Variants in CACNA2D3 observed in about 807,000 individuals in gnomAD.
CACNA2D3 encodes the protein voltage-dependent calcium channel subunit alpha-2/delta-3.
CACNA2D3 carries 60 observed loss-of-function variants against 160.6 expected under a neutral mutation model. The ratio of observed to expected loss-of-function variants is 0.37; its 90% confidence interval spans 0.30 to 0.46. The LOEUF (loss-of-function observed/expected upper bound fraction) is 0.46, where lower values mean the gene tolerates loss of function less well. CACNA2D3 is among the 20% of genes least tolerant of loss of function. CACNA2D3 has a pLI of 1.00. For synonymous variants in CACNA2D3, 558 were observed against 492.9 expected, an observed-to-expected ratio of 1.13 and a Z score of -1.75; for missense variants, 1,205 against 1,365.0, an observed-to-expected ratio of 0.88 and a Z score of 1.85.
At chr3:54,483,121 A>G (rs190691433) in intron 4 of CACNA2D3, among the ~76,000 whole-genome samples, 6 of 152,348 alleles carry the variant, frequency 3.9e-5, no homozygotes, top group African/African-American at 1.2e-4. Context: ...TGCGATTGCT[A>G]TTTTAAATTA....
At chr3:54,768,042 T>G (rs912326726) in intron 13 of CACNA2D3, among the ~76,000 whole-genome samples, 13 of 152,158 alleles carry the variant, frequency 8.5e-5, no homozygotes, top group African/African-American at 3.1e-4. Flanking sequence ...GCAACCATTT[T>G]GGTAAAGACC....
chr3:54,366,159 T>A (rs1698824547), intron 3 of CACNA2D3, among the ~76,000 whole-genome samples: 1 of 152,212 alleles, frequency 6.6e-6, no homozygotes, highest in South Asian at 2.1e-4. Context: ...AGGAGGCATT[T>A]TTCTGCTTTG....
At position 54,953,404 on chromosome 3, in the gene CACNA2D3, C is replaced by T. The variant is rs549513087; in HGVS notation, c.2450-15046C>T. Among the ~76,000 whole-genome samples, 6 of 152,252 alleles carry T rather than the reference C, an allele frequency of 3.9e-5. No homozygotes were observed. The South Asian group carries it at 8.3e-4, about 21-fold the overall frequency. ...GGCCCGGTAACACTACGGCTTCTTA[C>T]CTATAGAGGTGAGACTCATGAAATT... On this transcript the variant is annotated intron_variant, in intron 27 of 37. Transcript: ENST00000474759.
At chr3:54,885,455 C>T (rs771391955) in intron 22 of CACNA2D3, 34 bp from the exon 23 acceptor site, 1 of 1,600,160 alleles carries the variant, frequency 6.2e-7, no homozygotes, top group East Asian at 2.2e-5. Flanking sequence ...TAAATATTGA[C>T]ATGCTCTTGT....
Position 54,689,008 on chromosome 3 carries a change from A to AGAG in CACNA2D3, c.1167+46767_1167+46768insGAG, listed in dbSNP as rs1387337111. On this transcript the variant is annotated intron_variant, in intron 11 of 37. Coordinates refer to ENST00000474759, the MANE Select transcript of CACNA2D3 (RefSeq NM_018398.3). ...AAAAAAAAAAAAAAAAAAAAAAAAA[A>AGAG]AAAGAATGAGGTTGTATACATAAAG... 1.3e-4 allele frequency among the ~76,000 whole-genome samples: 8 copies of AGAG among 63,644 alleles called. No individual in the cohort carries two copies. In the South Asian group the frequency reaches 2.1e-3, roughly 17 times the overall value. 41.8% of individuals were successfully genotyped at this position (63,644 alleles called of 152,430 possible).
At chr3:54,658,954 C>A (rs1014496070) in intron 11 of CACNA2D3, among the ~76,000 whole-genome samples, 1 of 152,102 alleles carries the variant, frequency 6.6e-6, no homozygotes, top group Non-Finnish European at 1.5e-5. Context: ...ACTTTGGGGT[C>A]TTTGTGCTTC....
At chr3:54,445,236 TC>T (rs1426817882) in intron 4 of CACNA2D3, among the ~76,000 whole-genome samples, 4 of 152,140 alleles carry the variant, frequency 2.6e-5, no homozygotes, top group African/African-American at 9.7e-5. Flanking sequence ...GAAAGCTAGG[TC>T]CACTGTTGCC....
At chr3:54,776,211 AC>A (rs1294460946) in intron 13 of CACNA2D3, among the ~76,000 whole-genome samples, 4 of 152,204 alleles carry the variant, frequency 2.6e-5, no homozygotes, top group African/African-American at 9.6e-5. Flanking sequence ...GCTATGGATA[AC>A]ATTTTCTAAG....
intron 11 of CACNA2D3, among the ~76,000 whole-genome samples, chr3:54,699,780 G>A (rs766882850): frequency 7.9e-5 from 12 of 152,132 alleles, no homozygotes; most frequent in Non-Finnish European, 1.5e-4. Context: ...CCTGGCTGCC[G>A]TGAGATTAAA....
intron 3 of CACNA2D3, among the ~76,000 whole-genome samples, chr3:54,369,746 A>G (rs987885674): frequency 6.6e-6 from 1 of 152,172 alleles, no homozygotes; most frequent in African/African-American, 2.4e-5. Context: ...TCCTCTGTGA[A>G]GTCTTCCTGG....
chr3:54,864,728 A>G (rs9809641), intron 17 of CACNA2D3, among the ~76,000 whole-genome samples: 13,020 of 152,178 alleles, frequency 0.086, 1,835 homozygotes, highest in African/African-American at 0.3. Flanking sequence ...GTCCAGTCCC[A>G]TCAGCAGTTG....
chr3:54,880,647 C>T (rs1179243117), intron 20 of CACNA2D3, 149 bp from the exon 21 acceptor site: 7 of 724,006 alleles, frequency 9.7e-6, no homozygotes, highest in Non-Finnish European at 1.7e-5. Context: ...CAGTGATAAT[C>T]AGTGGGGTTT....
chr3:54,183,848 G>A (rs1037495709), intron 2 of CACNA2D3, among the ~76,000 whole-genome samples: 1 of 121,944 alleles, frequency 8.2e-6, no homozygotes, highest in Non-Finnish European at 1.6e-5. Context: ...TTGCGCCACT[G>A]CACTCGAGCC....
intron 35 of CACNA2D3, among the ~76,000 whole-genome samples, chr3:55,026,519 C>T (rs769084506): frequency 9.2e-5 from 14 of 152,086 alleles, no homozygotes; most frequent in African/African-American, 1.7e-4. Context: ...ACACGGGGGT[C>T]GCAGAAGGAA....
At chr3:54,252,938 C>T (rs1293947815) in intron 2 of CACNA2D3, among the ~76,000 whole-genome samples, 1 of 152,182 alleles carries the variant, frequency 6.6e-6, no homozygotes, top group Non-Finnish European at 1.5e-5. Context: ...GAAATCATTT[C>T]CTGGCTTTAG....
intron 2 of CACNA2D3, among the ~76,000 whole-genome samples, chr3:54,171,176 C>T (rs180691604): frequency 1.3e-4 from 12 of 91,818 alleles, no homozygotes; most frequent in African/African-American, 4.2e-4. Flanking sequence ...GCTAGATGAT[C>T]CGGGAAGTTG....
chr3:54,531,080 T>C (rs1701799086), intron 5 of CACNA2D3, among the ~76,000 whole-genome samples: 1 of 152,264 alleles, frequency 6.6e-6, no homozygotes, highest in Non-Finnish European at 1.5e-5. Flanking sequence ...AGCTGGCAAC[T>C]GCCATGGCTT....
chr3:54,518,377 GAGA>G (rs1456706537), intron 5 of CACNA2D3, among the ~76,000 whole-genome samples: 3 of 152,036 alleles, frequency 2.0e-5, no homozygotes, highest in African/African-American at 4.8e-5. Flanking sequence ...GAGGAAGTGG[GAGA>G]GAGAGAGAGG....
At chr3:54,923,110 G>A (rs1456717894) in intron 27 of CACNA2D3, among the ~76,000 whole-genome samples, 6 of 152,142 alleles carry the variant, frequency 3.9e-5, no homozygotes, top group African/African-American at 4.8e-5. Flanking sequence ...TCTCCCAAGA[G>A]TCTACAGAGT....
Sources: allele counts gnomAD v4.1 joint callset (sites outside exome capture counted in the v4.1 genomes callset), GRCh38; gene constraint gnomAD v4.1.1; transcripts MANE v1.5; gene names NCBI Gene and HGNC (gene_info 2026-07-23, HGNC 2026-07-21).